Variants in BCKDHB observed in about 807,000 individuals in gnomAD.
BCKDHB encodes the protein 2-oxoisovalerate dehydrogenase subunit beta, mitochondrial.
BCKDHB carries 41 observed loss-of-function variants against 48.5 expected under a neutral mutation model. That is an observed-to-expected ratio of 0.85 (90% CI 0.66 to 1.10). The LOEUF (loss-of-function observed/expected upper bound fraction) is 1.10, where lower values mean the gene tolerates loss of function less well. BCKDHB is among the 50% of genes least tolerant of loss of function. The probability of loss-of-function intolerance (pLI) is 0.00; values close to 1 mark genes in which losing one functional copy is unlikely to be tolerated. For missense variants in BCKDHB, 496 were observed against 494.2 expected, an observed-to-expected ratio of 1.00 and a Z score of -0.03; for synonymous variants, 201 against 174.8, an observed-to-expected ratio of 1.15 and a Z score of -1.18.
At chr6:80,166,402 T>TC (rs750607296) in intron 3 of BCKDHB, among the ~76,000 whole-genome samples, 1 of 152,140 alleles carries the variant, frequency 6.6e-6, no homozygotes, top group African/African-American at 2.4e-5. Context: ...ATGCCTGTAA[T>TC]CCCAGCACCG....
chr6:80,333,674 GAATTTATGTAGTTTAGCCCC>G (rs1278864169), intron 9 of BCKDHB, among the ~76,000 whole-genome samples: 1 of 152,040 alleles, frequency 6.6e-6, no homozygotes, highest in Non-Finnish European at 1.5e-5. Flanking sequence ...GGACATGATT[GAATTTATGTAGTTTAGCCCC>G]AAGTAAGTAG....
At chr6:80,431,511 G>A in the BCKDHB span, among the ~76,000 whole-genome samples, 1 of 152,096 alleles carries the variant, frequency 6.6e-6, no homozygotes, top group Non-Finnish European at 1.5e-5. Context: ...CTCCTGTATT[G>A]GGTGCATGTA....
At chr6:80,426,822 ATC>A in the BCKDHB span, among the ~76,000 whole-genome samples, 2 of 152,152 alleles carry the variant, frequency 1.3e-5, no homozygotes, top group African/African-American at 4.8e-5. Context: ...TACTATAAAT[ATC>A]TGTTAGATTA....
intron 9 of BCKDHB, among the ~76,000 whole-genome samples, chr6:80,284,051 A>G (rs55676897): frequency 0.062 from 9,386 of 152,132 alleles, 971 homozygotes; most frequent in African/African-American, 0.21. Context: ...TCATTTTGTC[A>G]TGCCCTTTGT....
intron 9 of BCKDHB, among the ~76,000 whole-genome samples, chr6:80,300,914 A>C (rs1410981592): frequency 1.3e-5 from 2 of 152,182 alleles, no homozygotes; most frequent in Admixed American, 1.3e-4. Flanking sequence ...ACACAAAATA[A>C]ATTAAACAAT....
At chr6:80,270,915 A>C (rs1777712422) in intron 8 of BCKDHB, among the ~76,000 whole-genome samples, 1 of 152,104 alleles carries the variant, frequency 6.6e-6, no homozygotes, top group Non-Finnish European at 1.5e-5. Context: ...CTACAAAATA[A>C]CATGTATTTT....
intron 3 of BCKDHB, among the ~76,000 whole-genome samples, chr6:80,129,905 A>C (rs1245542022): frequency 1.3e-5 from 2 of 152,202 alleles, no homozygotes. Context: ...ATACCTTCAC[A>C]ACAACTTCTA....
At chr6:80,165,083 C>A (rs1772505391) in intron 3 of BCKDHB, among the ~76,000 whole-genome samples, 1 of 152,042 alleles carries the variant, frequency 6.6e-6, no homozygotes, top group East Asian at 1.9e-4. Context: ...CTATTGGCAA[C>A]AAGGCTATAT....
At chr6:80,277,766 G>T (rs1778030252) in intron 9 of BCKDHB, among the ~76,000 whole-genome samples, 1 of 151,376 alleles carries the variant, frequency 6.6e-6, no homozygotes, top group African/African-American at 2.4e-5. Flanking sequence ...TTTCTGTGCG[G>T]TCTCTTTTCT....
chr6:80,138,236 C>A, intron 3 of BCKDHB, among the ~76,000 whole-genome samples: 1 of 151,978 alleles, frequency 6.6e-6, no homozygotes, highest in East Asian at 1.9e-4. Context: ...ATATATTTTT[C>A]CCTCATTTAT....
chr6:80,155,307 T>C (rs1246717837), intron 3 of BCKDHB, among the ~76,000 whole-genome samples: 1 of 152,176 alleles, frequency 6.6e-6, no homozygotes. Flanking sequence ...TAAAACTGTT[T>C]TGTATTTGTG....
At chr6:80,376,554 T>C in the BCKDHB span, among the ~76,000 whole-genome samples, 1 of 152,184 alleles carries the variant, frequency 6.6e-6, no homozygotes, top group Non-Finnish European at 1.5e-5. Context: ...TTCTGGTATG[T>C]TCTTGTGGTA....
intron 6 of BCKDHB, among the ~76,000 whole-genome samples, chr6:80,193,676 T>C (rs1216545968): frequency 6.8e-6 from 1 of 147,300 alleles, no homozygotes. Context: ...GCCGGGACTG[T>C]GCCACTGCAC....
At position 80,307,350 on chromosome 6, in the gene BCKDHB, AG is replaced by A. The variant is rs375503530; in HGVS notation, c.1038+34131del. ...GCTTGTGCATTGACAGATATTTAAT[AG>A]GAATGTAATAAATTGTTTATATTCT... is the stretch of plus-strand genomic sequence containing the variant. On this transcript the variant is annotated intron_variant, in intron 9 of 9. Transcript: ENST00000320393. 4 of 881,230 alleles carry A rather than the reference AG, an allele frequency of 4.5e-6. No homozygotes were observed. In the African/African-American group the frequency reaches 5.4e-5, roughly 12 times the overall value. 54.6% of individuals were successfully genotyped at this position (881,230 alleles called of 1,614,324 possible).
chr6:80,384,120 A>G, the BCKDHB span, among the ~76,000 whole-genome samples: 3 of 152,220 alleles, frequency 2.0e-5, no homozygotes, highest in African/African-American at 4.8e-5. Flanking sequence ...TCCTGGGTGT[A>G]TCTGTGAGGG....
chr6:80,404,359 A>G, the BCKDHB span, among the ~76,000 whole-genome samples: 93 of 151,808 alleles, frequency 6.1e-4, no homozygotes, highest in South Asian at 1.7e-3. Flanking sequence ...TACCTTTTTG[A>G]TGTATAATTA....
intron 9 of BCKDHB, chr6:80,307,804 G>C (rs1248744191): frequency 1.0e-6 from 1 of 985,062 alleles, no homozygotes; most frequent in Non-Finnish European, 1.2e-6. Context: ...TACCAAAGTT[G>C]TAGATAATCC....
chr6:80,450,745 T>C, the BCKDHB span, among the ~76,000 whole-genome samples: 3 of 152,138 alleles, frequency 2.0e-5, no homozygotes, highest in Non-Finnish European at 2.9e-5. Context: ...TAATATGTTG[T>C]AGCTTTAGCA....
At chr6:80,202,919 T>A (rs1045853403) in intron 7 of BCKDHB, among the ~76,000 whole-genome samples, 183 bp from the exon 8 acceptor site, 2 of 152,128 alleles carry the variant, frequency 1.3e-5, no homozygotes, top group African/African-American at 4.8e-5. Context: ...TTTCTAGACA[T>A]CTATACTTGT....
Sources: allele counts gnomAD v4.1 joint callset (sites outside exome capture counted in the v4.1 genomes callset), GRCh38; gene constraint gnomAD v4.1.1; transcripts MANE v1.5; gene names NCBI Gene and HGNC (gene_info 2026-07-23, HGNC 2026-07-21).